The following PPP1R36 variants were observed in gnomAD, a reference collection of about 807,000 sequenced individuals.
PPP1R36 encodes chromosome 14 open reading frame 50.
PPP1R36 carries 47 observed loss-of-function variants against 53.4 expected under a neutral mutation model. The ratio of observed to expected loss-of-function variants is 0.88; its 90% CI spans 0.70 to 1.12. The LOEUF (loss-of-function observed/expected upper bound fraction) is 1.12, where lower values mean the gene tolerates loss of function less well. PPP1R36 is among the 50% of genes most tolerant of loss of function. The pLI, the probability that PPP1R36 is intolerant of heterozygous loss-of-function variation, is 0.00. For synonymous variants in PPP1R36, 153 were observed against 170.5 expected (o/e 0.90, Z 0.80); for missense variants, 456 against 513.9 (o/e 0.89, Z 1.09).
At chr14:64,581,204 T>C (rs1245764776) in intron 8 of PPP1R36, among the ~76,000 whole-genome samples, 1 of 152,250 alleles carries the variant, frequency 6.6e-6, no homozygotes, top group African/African-American at 2.4e-5. Context: ...TTACAGGTCA[T>C]AAGCAGATTC....
At chr14:64,564,901 C>T (rs1002911217) in intron 4 of PPP1R36, 64 bp downstream of exon 4, 4 of 1,059,540 alleles carry the variant, frequency 3.8e-6, no homozygotes, top group East Asian at 2.5e-5. Flanking sequence ...TGGCTTCAGC[C>T]TTTACAAACT....
chr14:64,557,893 C>T (rs1031598123), intron 3 of PPP1R36, among the ~76,000 whole-genome samples: 8 of 152,158 alleles, frequency 5.3e-5, no homozygotes, highest in African/African-American at 1.9e-4. Flanking sequence ...CCTGTAATCC[C>T]AGCTACTCAG....
At position 64,574,515 on chromosome 14, in the gene PPP1R36, G is replaced by A. The variant is rs1173167625; in HGVS notation, c.594G>A (p.Arg198=). ...TAAGTGAATTAGAAGCAGCACAGAG[G>A]TACTTGGCGCAGAAGTACTGTATCC... ...LVLSELEAAQ[R]YLAQKYCILV... The change falls in exon 8 of 12, where the codon AGG becomes AGA. Residue 198 remains arginine, a synonymous_variant. Coordinates refer to ENST00000298705, the MANE Select transcript of PPP1R36 (RefSeq NM_172365.3). 2 of 1,614,026 alleles carry A rather than the reference G, an allele frequency of 1.2e-6. No homozygotes were observed. Among genetic ancestry groups the A allele is most frequent in the Non-Finnish European group, 1.7e-6 (2 of 1,179,910 alleles).
At chr14:64,564,630 A>ACAG (rs1187085292) in intron 3 of PPP1R36, 121 bp from the exon 4 acceptor site, 1 of 617,402 alleles carries the variant, frequency 1.6e-6, no homozygotes, top group Non-Finnish European at 2.8e-6. Context: ...TGAATTGAAC[A>ACAG]CTGCTGTGTC....
Position 64,588,229 on chromosome 14 carries a change from T to A in PPP1R36, c.1016T>A (p.Val339Glu), listed in dbSNP as rs149477152. 3 of 1,613,990 alleles carry A rather than the reference T, an allele frequency of 1.9e-6. No homozygotes were observed. Among genetic ancestry groups the A allele is most frequent in the Non-Finnish European group, 2.5e-6 (3 of 1,179,982 alleles). Residue 339 changes from valine to glutamate, a missense_variant, in exon 11 of 12, where the codon GTA becomes GAA. Physicochemically the swap from Val to Glu is moderately radical, Grantham distance 121. Transcript: ENST00000298705. ...GTCTTTGAGAAAAAGTATCATCAAGTAGACGTCAGATTCCCAGCCGAGATG... is the reference window on the plus strand; with the variant it reads ...GTCTTTGAGAAAAAGTATCATCAAGAAGACGTCAGATTCCCAGCCGAGATG... The part of the protein sequence containing the change: ...QNVFEKKYHQ[V>E]DVRFPAEMQK...
At chr14:64,556,237 G>A (rs906289133) in intron 3 of PPP1R36, among the ~76,000 whole-genome samples, 1 of 151,088 alleles carries the variant, frequency 6.6e-6, no homozygotes, top group Non-Finnish European at 1.5e-5. Flanking sequence ...CAAGTAGCTG[G>A]GACTACAGGC....
At chr14:64,582,686 A>G (rs1335554704) in intron 8 of PPP1R36, among the ~76,000 whole-genome samples, 1 of 152,182 alleles carries the variant, frequency 6.6e-6, no homozygotes, top group Admixed American at 6.5e-5. Context: ...AAATGATAAT[A>G]TTTTGGGGGT....
chr14:64,576,070 C>G, intron 8 of PPP1R36, among the ~76,000 whole-genome samples: 1 of 139,614 alleles, frequency 7.2e-6, no homozygotes, highest in East Asian at 2.1e-4. Flanking sequence ...TTTTATTTGA[C>G]TGAGTATCTT....
At chr14:64,555,536 A>G (rs1430920525) in intron 3 of PPP1R36, among the ~76,000 whole-genome samples, 1 of 152,194 alleles carries the variant, frequency 6.6e-6, no homozygotes, top group Non-Finnish European at 1.5e-5. Flanking sequence ...GCAGTGAGCT[A>G]CACTTTTCTT....
intron 8 of PPP1R36, among the ~76,000 whole-genome samples, chr14:64,578,397 G>C (rs893796044): frequency 6.6e-6 from 1 of 152,158 alleles, no homozygotes; most frequent in African/African-American, 2.4e-5. Flanking sequence ...AATCAATTTA[G>C]TAAGTCTTGA....
chr14:64,579,217 C>T (rs1217301131), intron 8 of PPP1R36, among the ~76,000 whole-genome samples: 5 of 152,040 alleles, frequency 3.3e-5, no homozygotes, highest in East Asian at 3.9e-4. Context: ...CCCCGTGACT[C>T]GTGTTTATCT....
At chr14:64,576,348 T>C (rs1185619001) in intron 8 of PPP1R36, among the ~76,000 whole-genome samples, 1 of 152,196 alleles carries the variant, frequency 6.6e-6, no homozygotes, top group Non-Finnish European at 1.5e-5. Flanking sequence ...CCCAAAGTGC[T>C]GGGATTACGG....
At chr14:64,567,578 G>A (rs375372546) in intron 6 of PPP1R36, among the ~76,000 whole-genome samples, 27 of 152,318 alleles carry the variant, frequency 1.8e-4, no homozygotes, top group African/African-American at 6.5e-4. Flanking sequence ...ATATATTCAT[G>A]TACATGTGTA....
In PPP1R36 at chr14:64,589,264, A is replaced by G; in HGVS notation, c.1195A>G (p.Asn399Asp). 6.2e-7 allele frequency: 1 copy of G among 1,614,062 alleles called. No homozygotes were observed. Among genetic ancestry groups the G allele is most frequent in the Non-Finnish European group, 8.5e-7 (1 of 1,179,910 alleles). ...GAGATATCCTTCCTTGATGGAAAAC[A>G]ATAACATGAGGATTCAGGATACACT... ...FGRYPSLMEN[N>D]NMRIQDTLDL... The change falls in exon 12 of 12, where the codon AAT becomes GAT. Residue 399 changes from asparagine to aspartate, a missense_variant. Coordinates refer to ENST00000298705, the MANE Select transcript of PPP1R36 (RefSeq NM_172365.3).
intron 6 of PPP1R36, among the ~76,000 whole-genome samples, chr14:64,565,944 C>G (rs1303271883): frequency 1.3e-5 from 2 of 152,118 alleles, no homozygotes; most frequent in Non-Finnish European, 2.9e-5. Flanking sequence ...CTCACATGGA[C>G]TGTGCTATTT....
rs1389816721 is a variant in PPP1R36 at position 64,549,983 on chromosome 14, T to A, written c.-15T>A. 6.4e-7 allele frequency: 1 copy of A among 1,560,008 alleles called. No individual in the cohort carries two copies. Among genetic ancestry groups the A allele is most frequent in the Admixed American group, 1.9e-5 (1 of 52,428 alleles). On this transcript the variant is annotated 5_prime_UTR_variant, in exon 1 of 12. Transcript: ENST00000298705. ...GGTATCCTCGGCGACGCCGTATGGC[T>A]TCCAGGGCGAGGCCATGTACCGGGT... is the stretch of plus-strand genomic sequence containing the variant.
At chr14:64,585,229 A>C (rs1366478447) in intron 8 of PPP1R36, among the ~76,000 whole-genome samples, 3 of 152,172 alleles carry the variant, frequency 2.0e-5, no homozygotes, top group Non-Finnish European at 4.4e-5. Flanking sequence ...ACAAAAGCAG[A>C]AGCAGGCCGG....
At chr14:64,561,289 TCTC>T (rs1408207889) in intron 3 of PPP1R36, among the ~76,000 whole-genome samples, 1 of 152,100 alleles carries the variant, frequency 6.6e-6, no homozygotes, top group Non-Finnish European at 1.5e-5. Context: ...TCCTGACTTC[TCTC>T]CTGGTCAAAT....
At chr14:64,550,856 A>G in intron 1 of PPP1R36, 65 bp from the exon 2 acceptor site, 1 of 1,176,008 alleles carries the variant, frequency 8.5e-7, no homozygotes, top group East Asian at 2.3e-5. Context: ...TTAAAGGTTT[A>G]TTGTGGCATA....
Sources: allele counts gnomAD v4.1 joint callset (sites outside exome capture counted in the v4.1 genomes callset), GRCh38; gene constraint gnomAD v4.1.1; transcripts MANE v1.5; gene names NCBI Gene and HGNC (gene_info 2026-07-23, HGNC 2026-07-21).